FAT4: variants seen among roughly 807,000 people sequenced by gnomAD.
FAT4 encodes the protein FAT atypical cadherin 4, also known as protocadherin Fat 4.
In FAT4, 84 loss-of-function variants were observed where a neutral mutation model predicts 303.9. The observed-to-expected ratio is 0.28, with a 90% CI of 0.23 to 0.33. The LOEUF (loss-of-function observed/expected upper bound fraction) is 0.33, where lower values mean the gene tolerates loss of function less well. Ranked by LOEUF, FAT4 falls within the 10% of genes least tolerant of loss-of-function variation. FAT4 has a pLI of 1.00. For missense variants in FAT4, 6,005 were observed against 6,146.8 expected (o/e 0.98, Z 0.77); for synonymous variants, 2,307 against 2,298.8 (o/e 1.00, Z -0.10).
At chr4:125,475,752 G>A (rs1319893545) in intron 12 of FAT4, among the ~76,000 whole-genome samples, 1 of 151,948 alleles carries the variant, frequency 6.6e-6, no homozygotes, top group Admixed American at 6.6e-5. Context: ...ATTAGAATAA[G>A]ACTTTTGAAA....
intron 5 of FAT4, among the ~76,000 whole-genome samples, chr4:125,411,392 A>G (rs535811566): frequency 1.3e-5 from 2 of 152,080 alleles, no homozygotes; most frequent in South Asian, 4.1e-4. Flanking sequence ...TCGTTATCCT[A>G]TAAATTATTT....
At chr4:125,455,742 G>A (rs1726255802) in intron 10 of FAT4, among the ~76,000 whole-genome samples, 1 of 152,112 alleles carries the variant, frequency 6.6e-6, no homozygotes, top group South Asian at 2.1e-4. Context: ...TGAGTTCTAT[G>A]GTGATATTAT....
At chr4:125,457,903 A>C (rs1726341184) in intron 10 of FAT4, among the ~76,000 whole-genome samples, 1 of 152,050 alleles carries the variant, frequency 6.6e-6, no homozygotes, top group African/African-American at 2.4e-5. Context: ...AATGTCTTGC[A>C]CTTAATAGAA....
Position 125,415,594 on chromosome 4 carries a change from A to G in FAT4, c.6631A>G (p.Ile2211Val). The G allele has an allele frequency of 6.2e-7, 1 of 1,614,116 alleles. No individual in the cohort carries two copies. Among genetic ancestry groups the G allele is most frequent in the Non-Finnish European group, 8.5e-7 (1 of 1,179,994 alleles). Residue 2211 changes from isoleucine to valine, a missense_variant, in exon 6 of 18, where the codon ATC (isoleucine) becomes GTC (valine). Coordinates refer to ENST00000394329, the MANE Select transcript of FAT4 (RefSeq NM_001291303.3). ...EFRIDSVTGA[I>V]TVAKPLDREK... ...TCGGATAGACTCTGTCACAGGTGCC[A>G]TCACTGTCGCTAAACCTTTGGATAG...
chr4:125,362,088 G>C (rs1243078601), intron 2 of FAT4, among the ~76,000 whole-genome samples: 1 of 152,056 alleles, frequency 6.6e-6, no homozygotes, highest in Non-Finnish European at 1.5e-5. Flanking sequence ...TCTCTCACTA[G>C]ATGTTCTTGA....
At chr4:125,358,402 A>C (rs1732518840) in intron 2 of FAT4, among the ~76,000 whole-genome samples, 1 of 152,062 alleles carries the variant, frequency 6.6e-6, no homozygotes, top group South Asian at 2.1e-4. Context: ...TATACAACTC[A>C]TCATAATGCA....
intron 3 of FAT4, among the ~76,000 whole-genome samples, chr4:125,402,505 T>C (rs1036562636): frequency 1.2e-4 from 18 of 151,990 alleles, no homozygotes; most frequent in African/African-American, 4.3e-4. Context: ...ACAAGGTAAA[T>C]GTGGGTAATG....
Position 125,318,017 on chromosome 4 carries a change from T to C in FAT4, c.1606T>C (p.Ser536Pro). The C allele has an allele frequency of 6.2e-7, 1 of 1,614,146 alleles. No individual in the cohort carries two copies. Among genetic ancestry groups the C allele is most frequent in the Non-Finnish European group, 8.5e-7 (1 of 1,180,006 alleles). The change falls in exon 2 of 18, where the codon TCC (serine) becomes CCC (proline). Residue 536 changes from serine (S) to proline (P), a missense_variant. Ser to Pro is a moderately conservative substitution (Grantham distance 74). Transcript: ENST00000394329. ...ACATAGCGGCCTCGTGACCACTGGG[T>C]CCTCTGGGGGCCTGGACCGTGAACT... ...SEHSGLVTTG[S>P]SGGLDRELAS...
At position 125,396,966 on chromosome 4, in the gene FAT4, A is replaced by G. The variant is rs867435486; in HGVS notation, c.5176-1818A>G. On this transcript the variant is annotated intron_variant, in intron 2 of 17. Transcript: ENST00000394329. ...TATATATATATATATATATATATATAAAATATGTATGTGTGTGTGTATTTC... is the reference window on the plus strand; with the variant it reads ...TATATATATATATATATATATATATGAAATATGTATGTGTGTGTGTATTTC... Among the ~76,000 whole-genome samples, 503 of 118,098 alleles carry G rather than the reference A, an allele frequency of 4.3e-3. 14 individuals carry two copies. The South Asian group carries it at 0.055, about 13-fold the overall frequency. 77.5% of individuals were successfully genotyped at this position (118,098 alleles called of 152,430 possible).
chr4:125,342,308 TTAAA>T (rs1371560803), intron 2 of FAT4, among the ~76,000 whole-genome samples: 1 of 152,022 alleles, frequency 6.6e-6, no homozygotes, highest in Non-Finnish European at 1.5e-5. Flanking sequence ...AAGAAGTAGT[TTAAA>T]TAAACATTTT....
chr4:125,485,949 T>G (rs1318683268), intron 16 of FAT4, among the ~76,000 whole-genome samples: 1 of 152,158 alleles, frequency 6.6e-6, no homozygotes, highest in African/African-American at 2.4e-5. Flanking sequence ...GTTTTAAAAG[T>G]GAAGAATTAT....
At position 125,491,192 on chromosome 4, in the gene FAT4, A is replaced by G. The variant is rs200724983; in HGVS notation, c.14376A>G (p.Glu4792=). 1 of 1,614,088 alleles carries G rather than the reference A, an allele frequency of 6.2e-7. No homozygotes were observed. The highest frequency in any genetic ancestry group is 1.7e-5 in the Admixed American group (1 of 60,010). Residue 4792 remains glutamate (E), a synonymous_variant, in exon 18 of 18, where the codon GAA becomes GAG. Coordinates refer to ENST00000394329, the MANE Select transcript of FAT4 (RefSeq NM_001291303.3). ...CTCCTCCAGTCGGACTTTCTATTGA[A>G]GAAGTGGAGAGGCTCAACACACCTC... The part of the protein sequence containing the change: ...ESSPPVGLSI[E]EVERLNTPRP...
rs367572465 is a variant in FAT4 at position 125,408,579 on chromosome 4, G to A, written c.5705G>A (p.Arg1902Gln). Residue 1902 changes from arginine to glutamine, a missense_variant, in exon 5 of 18, where the codon CGA becomes CAA. By Grantham distance (43) the Arg-to-Gln change is conservative. Coordinates refer to ENST00000394329, the MANE Select transcript of FAT4 (RefSeq NM_001291303.3). ...ATTACTGGGGTCTTTAATTTGACTC[G>A]ATTATTAGATTATGAAGTACAGCAA... The part of the protein sequence containing the change: ...NPITGVFNLT[R>Q]LLDYEVQQYY... 7.4e-6 allele frequency: 12 copies of A among 1,612,492 alleles called. No individual in the cohort carries two copies. Among genetic ancestry groups the A allele is most frequent in the East Asian group, 2.2e-5 (1 of 44,762 alleles).
chr4:125,446,782 C>A (rs1401909908), intron 9 of FAT4, among the ~76,000 whole-genome samples: 1 of 151,690 alleles, frequency 6.6e-6, no homozygotes, highest in Non-Finnish European at 1.5e-5. Context: ...ATTATTATTT[C>A]TTAATATTAC....
At chr4:125,358,839 T>C (rs1477708038) in intron 2 of FAT4, among the ~76,000 whole-genome samples, 2 of 152,060 alleles carry the variant, frequency 1.3e-5, no homozygotes, top group Non-Finnish European at 2.9e-5. Context: ...TTTGAGGAGC[T>C]AAAAATTATA....
intron 11 of FAT4, among the ~76,000 whole-genome samples, chr4:125,467,509 T>A (rs956998067): frequency 1.3e-5 from 2 of 152,178 alleles, no homozygotes; most frequent in Non-Finnish European, 2.9e-5. Flanking sequence ...CATAACATTG[T>A]AACATCAATA....
chr4:125,355,162 A>G (rs1732378921), intron 2 of FAT4, among the ~76,000 whole-genome samples: 1 of 151,976 alleles, frequency 6.6e-6, no homozygotes, highest in South Asian at 2.1e-4. Context: ...GACACCGGAT[A>G]GAAAATTAAA....
At chr4:125,438,836 GATTAAA>G (rs1725548025) in intron 8 of FAT4, among the ~76,000 whole-genome samples, 1 of 152,098 alleles carries the variant, frequency 6.6e-6, no homozygotes, top group African/African-American at 2.4e-5. Context: ...TCTTTCTTCA[GATTAAA>G]AGAGCTATTG....
chr4:125,406,282 C>T (rs950158689), intron 3 of FAT4, among the ~76,000 whole-genome samples: 6 of 152,132 alleles, frequency 3.9e-5, no homozygotes, highest in Admixed American at 2.0e-4. Context: ...ATCCTTGGCA[C>T]CCTTATGGAA....
Sources: allele counts gnomAD v4.1 joint callset (sites outside exome capture counted in the v4.1 genomes callset), GRCh38; gene constraint gnomAD v4.1.1; transcripts MANE v1.5; gene names NCBI Gene and HGNC (gene_info 2026-07-23, HGNC 2026-07-21).